The following SCFD1 variants were observed in gnomAD, a reference collection of about 807,000 sequenced individuals.
SCFD1 encodes sec1 family domain containing 1, also known as sec1 family domain-containing protein 1.
SCFD1 carries 37 observed loss-of-function variants against 103.2 expected under a neutral mutation model. The observed-to-expected ratio is 0.36, with a 90% confidence interval of 0.28 to 0.47. SCFD1 has a LOEUF of 0.47. Among genes scored for constraint, SCFD1 ranks in the 20% least tolerant of loss-of-function variants. The probability of loss-of-function intolerance (pLI) is 1.00; values close to 1 mark genes in which losing one functional copy is unlikely to be tolerated. For missense variants in SCFD1, 639 were observed against 761.2 expected, an observed-to-expected ratio of 0.84 and a Z score of 1.89; for synonymous variants, 264 against 245.0, an observed-to-expected ratio of 1.08 and a Z score of -0.73.
chr14:30,694,896 G>A (rs1361434612), intron 15 of SCFD1, 27 bp downstream of exon 15: 11 of 1,571,072 alleles, frequency 7.0e-6, no homozygotes, highest in Non-Finnish European at 8.6e-6. Context: ...TGAGGTTAAT[G>A]TAAGTTTCAT....
chr14:30,648,026 C>G (rs1886018258), intron 7 of SCFD1, among the ~76,000 whole-genome samples: 1 of 152,128 alleles, frequency 6.6e-6, no homozygotes, highest in Non-Finnish European at 1.5e-5. Flanking sequence ...TAAATTGTTA[C>G]ATGGGGAAAA....
chr14:30,731,201 C>T (rs149927971), intron 23 of SCFD1, among the ~76,000 whole-genome samples: 17,264 of 151,890 alleles, frequency 0.11, 1,465 homozygotes, highest in African/African-American at 0.23. Context: ...TTCTGTTCCA[C>T]TGGTCTATAT....
At chr14:30,674,691 C>T (rs936702144) in intron 13 of SCFD1, among the ~76,000 whole-genome samples, 6 of 152,024 alleles carry the variant, frequency 3.9e-5, no homozygotes, top group Non-Finnish European at 8.8e-5. Flanking sequence ...ACAGATAACG[C>T]ATGTTTCCAT....
chr14:30,622,303 C>T (rs374513591), upstream of SCFD1: 23 of 1,593,470 alleles, frequency 1.4e-5, no homozygotes, highest in Middle Eastern at 3.3e-4. Flanking sequence ...CCCCCCGCTC[C>T]GCTCCCCAGC....
At chr14:30,719,082 G>A (rs557335113) in intron 20 of SCFD1, among the ~76,000 whole-genome samples, 88 of 152,058 alleles carry the variant, frequency 5.8e-4, no homozygotes, top group Non-Finnish European at 1.1e-3. Context: ...CTCTACCCCA[G>A]ACTGTCAATC....
At chr14:30,678,884 AG>A (rs374771477) in intron 14 of SCFD1, among the ~76,000 whole-genome samples, 154 of 152,334 alleles carry the variant, frequency 1.0e-3, no homozygotes, top group African/African-American at 3.5e-3. Context: ...TCTTATAGAC[AG>A]TCTTATAGGG....
chr14:30,680,381 T>G (rs1889377617), intron 14 of SCFD1, among the ~76,000 whole-genome samples: 1 of 152,200 alleles, frequency 6.6e-6, no homozygotes, highest in African/African-American at 2.4e-5. Context: ...ACTTTTTTTT[T>G]CACTGTTACA....
chr14:30,721,302 G>A (rs1892633973), intron 21 of SCFD1, among the ~76,000 whole-genome samples: 1 of 151,108 alleles, frequency 6.6e-6, no homozygotes, highest in Non-Finnish European at 1.5e-5. Flanking sequence ...ATACTCTACA[G>A]CCTGTTTTAG....
intron 20 of SCFD1, among the ~76,000 whole-genome samples, chr14:30,717,559 G>T (rs2139398072): frequency 6.6e-6 from 1 of 152,280 alleles, no homozygotes; most frequent in Non-Finnish European, 1.5e-5. Context: ...CAGTAATAAT[G>T]ATAATAGCTA....
intron 14 of SCFD1, among the ~76,000 whole-genome samples, chr14:30,691,847 C>G (rs1443347043): frequency 6.6e-6 from 1 of 152,112 alleles, no homozygotes; most frequent in Non-Finnish European, 1.5e-5. Context: ...AACCAAATGC[C>G]TGTACTTACA....
At chr14:30,713,719 T>TA (rs1892058265) in intron 19 of SCFD1, among the ~76,000 whole-genome samples, 1 of 152,316 alleles carries the variant, frequency 6.6e-6, no homozygotes, top group East Asian at 1.9e-4. Context: ...TGTATAGATC[T>TA]AAGAGTACAA....
rs563287553 is a variant in SCFD1, at chr14:30,637,010, A to G, written c.313-1115A>G. Among the ~76,000 whole-genome samples the G allele has an allele frequency of 2.0e-5, 3 of 152,170 alleles. No homozygotes were observed. In the South Asian group the frequency reaches 6.2e-4, roughly 32 times the overall value. On this transcript the variant is annotated intron_variant, in intron 4 of 24. Transcript: ENST00000458591. ...CTTTCTCTGTCTCAGCCCAGGATTCAGACATTTTTCTGAGGAGCTCTGGTT... is the reference window on the plus strand; with the variant it reads ...CTTTCTCTGTCTCAGCCCAGGATTCGGACATTTTTCTGAGGAGCTCTGGTT...
chr14:30,637,129 G>A (rs528394096), intron 4 of SCFD1, among the ~76,000 whole-genome samples: 1 of 151,918 alleles, frequency 6.6e-6, no homozygotes, highest in South Asian at 2.1e-4. Flanking sequence ...TCCTCTCAAT[G>A]GAAAAAGTTA....
upstream of SCFD1, chr14:30,622,290 C>T (rs765821662): frequency 3.8e-6 from 6 of 1,590,930 alleles, no homozygotes; most frequent in Admixed American, 3.5e-5. Flanking sequence ...GCAGCCACGT[C>T]ATCCCCCCGC....
intron 14 of SCFD1, chr14:30,683,091 T>G (rs1889622417): frequency 1.5e-6 from 2 of 1,341,728 alleles, no homozygotes; most frequent in Non-Finnish European, 2.1e-6. Context: ...TTCTTGCAGA[T>G]ACTTCTTAAA....
chr14:30,633,555 T>C (rs911771028), intron 3 of SCFD1, among the ~76,000 whole-genome samples: 2 of 152,138 alleles, frequency 1.3e-5, no homozygotes, highest in African/African-American at 4.8e-5. Flanking sequence ...AGCTTTCTGA[T>C]TTTCCCCTCA....
chr14:30,637,212 C>T (rs918092787), intron 4 of SCFD1, among the ~76,000 whole-genome samples: 2 of 152,050 alleles, frequency 1.3e-5, no homozygotes, highest in African/African-American at 4.8e-5. Context: ...TTCCCCTCAC[C>T]TATCCAGATA....
chr14:30,728,415 T>C (rs2139433191), intron 23 of SCFD1, among the ~76,000 whole-genome samples: 1 of 152,288 alleles, frequency 6.6e-6, no homozygotes, highest in Non-Finnish European at 1.5e-5. Flanking sequence ...TAAATTGAAA[T>C]TGTTTCTGCT....
rs1890988330 is a variant in SCFD1 at position 30,700,243 on chromosome 14, G to A, written c.1395G>A (p.Gln465=). ...RLFLIYYIST[Q]QAPSEADLEQ... Reference sequence around the variant, plus strand: ...TTCTTATCTATTATATAAGCACACAGCAAGCACCTTCTGAGGTATGTCCTT... The same window carrying A: ...TTCTTATCTATTATATAAGCACACAACAAGCACCTTCTGAGGTATGTCCTT... Residue 465 remains glutamine, a synonymous_variant, in exon 16 of 25, where the codon CAG becomes CAA. Transcript: ENST00000458591. 1.2e-6 allele frequency: 2 copies of A among 1,606,798 alleles called. No homozygotes were observed. Among genetic ancestry groups the A allele is most frequent in the Non-Finnish European group, 8.5e-7 (1 of 1,173,488 alleles).
Sources: allele counts gnomAD v4.1 joint callset (sites outside exome capture counted in the v4.1 genomes callset), GRCh38; gene constraint gnomAD v4.1.1; transcripts MANE v1.5; gene names NCBI Gene and HGNC (gene_info 2026-07-23, HGNC 2026-07-21).